Variants in CCDC178 observed in about 807,000 individuals in gnomAD.
The protein encoded by CCDC178 is coiled-coil domain-containing protein 178.
A neutral mutation model predicts 117.4 loss-of-function variants in CCDC178; 126 were observed. That is an observed-to-expected ratio of 1.07 (90% CI 0.93 to 1.24). The LOEUF (loss-of-function observed/expected upper bound fraction) is 1.24. CCDC178 is among the 50% of genes most tolerant of loss of function. CCDC178 has a pLI of 0.00. For synonymous variants in CCDC178, 283 were observed against 313.4 expected (o/e 0.90, Z 1.02); for missense variants, 1,030 against 986.9 (o/e 1.04, Z -0.59).
At chr18:32,992,719 A>ATC (rs2055420175) in intron 21 of CCDC178, among the ~76,000 whole-genome samples, 1 of 152,208 alleles carries the variant, frequency 6.6e-6, no homozygotes, top group Non-Finnish European at 1.5e-5. Context: ...TATTTTAATT[A>ATC]GCTTGACTGA....
chr18:33,066,910 A>T (rs1427344731), intron 21 of CCDC178, among the ~76,000 whole-genome samples: 1 of 152,198 alleles, frequency 6.6e-6, no homozygotes, highest in Non-Finnish European at 1.5e-5. Flanking sequence ...ATATTTGGAG[A>T]CTTCAACACC....
intron 11 of CCDC178, among the ~76,000 whole-genome samples, chr18:33,321,250 A>C (rs2062504908): frequency 6.6e-6 from 1 of 152,220 alleles, no homozygotes; most frequent in Non-Finnish European, 1.5e-5. Context: ...GGATGTAATT[A>C]AACTAAAGAG....
intron 21 of CCDC178, among the ~76,000 whole-genome samples, chr18:33,017,958 T>G (rs942240870): frequency 6.6e-6 from 1 of 151,838 alleles, no homozygotes; most frequent in Non-Finnish European, 1.5e-5. Context: ...TTAAAAACAT[T>G]TGTGCTTTAA....
At chr18:33,320,249 C>T (rs1478163424) in intron 11 of CCDC178, among the ~76,000 whole-genome samples, 1 of 152,144 alleles carries the variant, frequency 6.6e-6, no homozygotes, top group Non-Finnish European at 1.5e-5. Context: ...CCAGGGCAAT[C>T]AGGCAGGAGA....
intron 3 of CCDC178, among the ~76,000 whole-genome samples, chr18:33,406,830 G>A (rs961824303): frequency 9.9e-5 from 15 of 152,090 alleles, no homozygotes; most frequent in African/African-American, 3.6e-4. Context: ...TAACAAACAT[G>A]CTAATAACAG....
At chr18:33,023,378 A>C (rs1038409473) in intron 21 of CCDC178, among the ~76,000 whole-genome samples, 3 of 152,190 alleles carry the variant, frequency 2.0e-5, no homozygotes, top group African/African-American at 7.2e-5. Flanking sequence ...AATCATACAG[A>C]ATGTTTTCTT....
At chr18:33,138,392 C>T (rs748211117) in intron 20 of CCDC178, among the ~76,000 whole-genome samples, 13 of 152,246 alleles carry the variant, frequency 8.5e-5, no homozygotes, top group African/African-American at 1.2e-4. Flanking sequence ...TCAGCCTGCA[C>T]CTAGGGAGAA....
At chr18:33,343,827 T>A (rs1018732655) in intron 9 of CCDC178, among the ~76,000 whole-genome samples, 2 of 152,156 alleles carry the variant, frequency 1.3e-5, no homozygotes, top group Non-Finnish European at 2.9e-5. Context: ...AGATTACAAT[T>A]TTTTCCTGTC....
chr18:33,199,292 A>T (rs2058966696), intron 20 of CCDC178, among the ~76,000 whole-genome samples: 2 of 152,166 alleles, frequency 1.3e-5, no homozygotes, highest in Non-Finnish European at 2.9e-5. Context: ...ATTTATATAG[A>T]TTAAATAATA....
In CCDC178 at chr18:32,998,799, C is replaced by T. The variant is rs142486213; in HGVS notation, c.2389-24118G>A. Among the ~76,000 whole-genome samples, 236 of 152,146 alleles carry T rather than the reference C, an allele frequency of 1.6e-3. 1 individual carries two copies. The highest frequency in any genetic ancestry group is 5.4e-3 in the African/African-American group (224 of 41,516). On this transcript the variant is annotated intron_variant, in intron 21 of 22. Coordinates refer to ENST00000383096, the MANE Select transcript of CCDC178 (RefSeq NM_001105528.4). ...GATTCAGCACCTGCTGACCAAAGAG[C>T]ATGTGGGCCCTGAATAATGAGCGGT...
intron 11 of CCDC178, among the ~76,000 whole-genome samples, chr18:33,303,327 A>C (rs1302987680): frequency 6.6e-6 from 1 of 152,194 alleles, no homozygotes; most frequent in Non-Finnish European, 1.5e-5. Context: ...GATTACCAGG[A>C]GTTAGGTGGG....
chr18:33,260,327 A>G (rs912259209), intron 14 of CCDC178, among the ~76,000 whole-genome samples: 2 of 151,760 alleles, frequency 1.3e-5, no homozygotes, highest in African/African-American at 4.8e-5. Flanking sequence ...TATTCATTCT[A>G]CTCGTTCATG....
At chr18:33,277,052 G>A (rs914590285) in intron 12 of CCDC178, among the ~76,000 whole-genome samples, 1 of 152,036 alleles carries the variant, frequency 6.6e-6, no homozygotes, top group African/African-American at 2.4e-5. Context: ...GTGGGGCATA[G>A]CAAGGATGCC....
Position 33,215,713 on chromosome 18 carries a change from CAA to C in CCDC178, c.1933-20_1933-19del, listed in dbSNP as rs766656505. 19 of 1,469,482 alleles carry C rather than the reference CAA, an allele frequency of 1.3e-5. No individual in the cohort carries two copies. In the African/African-American group the frequency reaches 2.7e-4, roughly 21 times the overall value. 91.0% of individuals were successfully genotyped at this position (1,469,482 alleles called of 1,614,324 possible). ...CGTTTACTCTGAAAAAAAATATACA[CAA>C]GTGTTTATTTTAAATACTTGGATTT... On this transcript the variant is annotated intron_variant, in intron 18 of 22. Transcript: ENST00000383096.
At chr18:33,004,747 G>C (rs904162247) in intron 21 of CCDC178, among the ~76,000 whole-genome samples, 1 of 151,928 alleles carries the variant, frequency 6.6e-6, no homozygotes, top group Admixed American at 6.6e-5. Context: ...GAATATATAA[G>C]GAACTCAAAC....
chr18:33,107,497 A>T (rs1448480122), intron 20 of CCDC178, among the ~76,000 whole-genome samples: 1 of 151,674 alleles, frequency 6.6e-6, no homozygotes, highest in Non-Finnish European at 1.5e-5. Flanking sequence ...AAATCCCAAA[A>T]GTCTAAAATC....
intron 12 of CCDC178, among the ~76,000 whole-genome samples, chr18:33,275,718 A>C (rs901353504): frequency 2.0e-5 from 3 of 148,484 alleles, no homozygotes; most frequent in Admixed American, 6.7e-5. Context: ...GGGAAGCTGT[A>C]GCTTCTATGG....
chr18:33,063,785 A>G (rs2056968834), intron 21 of CCDC178, among the ~76,000 whole-genome samples: 1 of 152,138 alleles, frequency 6.6e-6, no homozygotes, highest in Non-Finnish European at 1.5e-5. Context: ...AGTTCTGAAG[A>G]CTGGCATGCC....
chr18:33,245,046 G>C (rs948398417), intron 15 of CCDC178, among the ~76,000 whole-genome samples, 199 bp downstream of exon 15: 11 of 151,946 alleles, frequency 7.2e-5, no homozygotes, highest in African/African-American at 2.2e-4. Context: ...TTGTGGATTA[G>C]CTACATTGAG....
Sources: allele counts gnomAD v4.1 joint callset (sites outside exome capture counted in the v4.1 genomes callset), GRCh38; gene constraint gnomAD v4.1.1; transcripts MANE v1.5; gene names NCBI Gene and HGNC (gene_info 2026-07-23, HGNC 2026-07-21).